SLTM: variants seen among roughly 807,000 people sequenced by gnomAD.
The protein encoded by SLTM is SAFB like transcription modulator, also known as SAFB-like transcription modulator.
A neutral mutation model predicts 134.6 loss-of-function variants in SLTM; 43 were observed. That is an observed-to-expected ratio of 0.32 (90% CI 0.25 to 0.41). The LOEUF is 0.41. Ranked by LOEUF, SLTM falls within the 10% of genes least tolerant of loss-of-function variation. The pLI is 1.00. For missense variants in SLTM, 1,055 were observed against 1,288.8 expected, an observed-to-expected ratio of 0.82 and a Z score of 2.78; for synonymous variants, 424 against 432.3, an observed-to-expected ratio of 0.98 and a Z score of 0.24.
At position 58,905,861 on chromosome 15, in the gene SLTM, T is replaced by C. The variant is rs1008514225; in HGVS notation, c.562-4574A>G. On this transcript the variant is annotated intron_variant, in intron 5 of 20. Transcript: ENST00000380516. Reference sequence around the variant, plus strand: ...GAGAATTTTTAGATATTTATCTTAATAATTCAGCATGTCTTCTGAAGGGTT... The same window carrying C: ...GAGAATTTTTAGATATTTATCTTAACAATTCAGCATGTCTTCTGAAGGGTT... 2.0e-5 allele frequency among the ~76,000 whole-genome samples: 3 copies of C among 152,358 alleles called. No individual in the cohort carries two copies. The South Asian group carries it at 6.2e-4, about 32-fold the overall frequency.
Position 58,895,110 on chromosome 15 carries a change from C to A in SLTM, c.1228-528G>T, listed in dbSNP as rs1052081793. 5.3e-5 allele frequency among the ~76,000 whole-genome samples: 8 copies of A among 152,222 alleles called. No homozygotes were observed. In the South Asian group the frequency reaches 1.2e-3, roughly 24 times the overall value. ...AATTTAACCTTTTTATATTTATTTC[C>A]TCCCCTCAAATATGTAGCCAAAACA... On this transcript the variant is annotated intron_variant, in intron 9 of 20. Coordinates refer to ENST00000380516, the MANE Select transcript of SLTM (RefSeq NM_024755.4).
At chr15:58,889,255 G>C (rs2034475386) in intron 16 of SLTM, 175 bp downstream of exon 16, 1 of 656,334 alleles carries the variant, frequency 1.5e-6, no homozygotes, top group East Asian at 3.0e-5. Context: ...AAGAAACACA[G>C]ACTGTTCCCA....
chr15:58,922,621 A>G (rs1206886867), intron 2 of SLTM, among the ~76,000 whole-genome samples: 1 of 147,094 alleles, frequency 6.8e-6, no homozygotes, highest in African/African-American at 2.5e-5. Context: ...TATATTATAT[A>G]CATGTATAAA....
At position 58,879,326 on chromosome 15, in the gene SLTM, A is replaced by G. The variant is rs1483724692; in HGVS notation, c.*673T>C. 6.6e-6 allele frequency: 1 copy of G among 152,418 alleles called. No individual in the cohort carries two copies. The highest frequency in any genetic ancestry group is 1.5e-5 in the Non-Finnish European group (1 of 68,040). The allele number at this position is 152,418 out of a possible 1,614,324, so 9.4% of individuals were successfully genotyped here. On this transcript the variant is annotated 3_prime_UTR_variant, in exon 21 of 21. Coordinates refer to ENST00000380516, the MANE Select transcript of SLTM (RefSeq NM_024755.4). ...CTCATGGCCAAGGTTTCATGAATCT[A>G]TTTGGTTTCATACCATGCAAACCTG... is the stretch of plus-strand genomic sequence containing the variant.
chr15:58,932,000 T>C (rs1428207766), intron 2 of SLTM, among the ~76,000 whole-genome samples: 1 of 152,162 alleles, frequency 6.6e-6, no homozygotes, highest in African/African-American at 2.4e-5. Context: ...AGGTAAAAGA[T>C]TTGGTAGGAA....
intron 5 of SLTM, among the ~76,000 whole-genome samples, chr15:58,908,392 G>C (rs1474440004): frequency 8.6e-5 from 13 of 150,658 alleles, no homozygotes; most frequent in African/African-American, 3.2e-4. Context: ...TTTGAGATAG[G>C]GTCTTGCTCT....
intron 3 of SLTM, among the ~76,000 whole-genome samples, chr15:58,916,179 T>TC (rs1491524867): frequency 7.6e-3 from 156 of 20,438 alleles, no homozygotes; most frequent in Admixed American, 0.048. Context: ...TCTCTCTCTC[T>TC]TTTTTTTTTT....
At chr15:58,930,805 A>G (rs2141258059) in intron 2 of SLTM, among the ~76,000 whole-genome samples, 1 of 150,442 alleles carries the variant, frequency 6.6e-6, no homozygotes, top group Non-Finnish European at 1.5e-5. Flanking sequence ...AAATGTATTG[A>G]AAAAACCCTT....
At chr15:58,914,046 A>G (rs1484529258) in intron 3 of SLTM, among the ~76,000 whole-genome samples, 1 of 152,236 alleles carries the variant, frequency 6.6e-6, no homozygotes, top group Non-Finnish European at 1.5e-5. Flanking sequence ...TGTTGATTTA[A>G]CTTCAAAGAC....
At chr15:58,921,020 TA>T (rs1358206581) in intron 2 of SLTM, among the ~76,000 whole-genome samples, 1 of 152,214 alleles carries the variant, frequency 6.6e-6, no homozygotes, top group Non-Finnish European at 1.5e-5. Context: ...GTCCTCAGCA[TA>T]ATGACAAATT....
chr15:58,915,968 T>TA (rs138468086), intron 3 of SLTM, among the ~76,000 whole-genome samples: 8,279 of 149,588 alleles, frequency 0.055, 299 homozygotes, highest in Non-Finnish European at 0.084. Flanking sequence ...TTCATTAAAA[T>TA]AAAAAAAAAA....
chr15:58,914,583 G>C (rs758402260), intron 3 of SLTM, among the ~76,000 whole-genome samples: 1 of 152,170 alleles, frequency 6.6e-6, no homozygotes, highest in African/African-American at 2.4e-5. Flanking sequence ...GTAGGGGAGC[G>C]TGAGGGGATG....
chr15:58,896,389 A>T (rs1348344497), intron 9 of SLTM, among the ~76,000 whole-genome samples: 1 of 152,088 alleles, frequency 6.6e-6, no homozygotes, highest in Non-Finnish European at 1.5e-5. Context: ...TGAAAAACTC[A>T]TCTCTACTAA....
intron 16 of SLTM, 166 bp downstream of exon 16, chr15:58,889,264 C>T (rs1409258411): frequency 1.4e-6 from 1 of 724,242 alleles, no homozygotes; most frequent in Non-Finnish European, 2.2e-6. Flanking sequence ...AGACTGTTCC[C>T]ACTTGCTAGT....
intron 17 of SLTM, 131 bp downstream of exon 17, chr15:58,888,254 G>T: frequency 1.4e-6 from 1 of 700,424 alleles, no homozygotes; most frequent in Non-Finnish European, 2.2e-6. Flanking sequence ...CCCATTAACA[G>T]AAACAAAAAC....
In SLTM at chr15:58,887,261, A is replaced by G; in HGVS notation, c.2655T>C (p.Ser885=). The G allele has an allele frequency of 3.1e-6, 5 of 1,614,050 alleles. No homozygotes were observed. The highest frequency in any genetic ancestry group is 4.2e-6 in the Non-Finnish European group (5 of 1,179,994). Residue 885 remains serine (S), a synonymous_variant, in exon 18 of 21, where the codon AGT becomes AGC. Coordinates refer to ENST00000380516, the MANE Select transcript of SLTM (RefSeq NM_024755.4). ...PNPSRPTSWK[S]EGSMSTDKRE... is the part of the protein sequence containing the mutation. ...GTTTGTCAGTGGACATGCTTCCTTCACTTTTCCAGCTGGTGGGTCTGGAAG... is the reference window on the plus strand; with the variant it reads ...GTTTGTCAGTGGACATGCTTCCTTCGCTTTTCCAGCTGGTGGGTCTGGAAG...
chr15:58,898,790 A>G lies in SLTM; in HGVS notation c.1108+13T>C. 1 of 1,593,882 alleles carries G rather than the reference A, an allele frequency of 6.3e-7. No individual in the cohort carries two copies. Among genetic ancestry groups the G allele is most frequent in the Non-Finnish European group, 8.6e-7 (1 of 1,166,418 alleles). ...TGTCAACACTGAAATAAATAGGGAA[A>G]AAAATTCTTTACCTTTGTCATCTTT... On this transcript the variant is annotated intron_variant, in intron 8 of 20. Coordinates refer to ENST00000380516, the MANE Select transcript of SLTM (RefSeq NM_024755.4).
intron 20 of SLTM, among the ~76,000 whole-genome samples, chr15:58,881,073 C>T (rs1437047134): frequency 1.3e-5 from 2 of 152,060 alleles, no homozygotes; most frequent in African/African-American, 4.8e-5. Flanking sequence ...AATCCCAGCA[C>T]TTTGGGAGGC....
intron 19 of SLTM, among the ~76,000 whole-genome samples, chr15:58,886,030 G>C (rs1461021136): frequency 6.6e-6 from 1 of 152,080 alleles, no homozygotes; most frequent in Admixed American, 6.6e-5. Flanking sequence ...AAAAGATAAA[G>C]ACACTTTCCT....
Sources: allele counts gnomAD v4.1 joint callset (sites outside exome capture counted in the v4.1 genomes callset), GRCh38; gene constraint gnomAD v4.1.1; transcripts MANE v1.5; gene names NCBI Gene and HGNC (gene_info 2026-07-23, HGNC 2026-07-21).